Variants in NRG3 observed in about 807,000 individuals in gnomAD.
NRG3 encodes the protein pro-neuregulin-3, membrane-bound isoform.
In NRG3, 31 loss-of-function variants were observed where a neutral mutation model predicts 66.9. That is an observed-to-expected ratio of 0.46 (90% CI 0.35 to 0.63). The LOEUF (loss-of-function observed/expected upper bound fraction) is 0.63, where lower values mean the gene tolerates loss of function less well. Ranked by LOEUF, NRG3 falls within the 20% of genes least tolerant of loss-of-function variation. The pLI, the probability that NRG3 is intolerant of heterozygous loss-of-function variation, is 0.00. For missense variants in NRG3, 910 were observed against 878.9 expected, an observed-to-expected ratio of 1.04 and a Z score of -0.45; for synonymous variants, 393 against 359.4, an observed-to-expected ratio of 1.09 and a Z score of -1.06.
intron 3 of NRG3, among the ~76,000 whole-genome samples, chr10:82,758,074 T>A (rs1006043934): frequency 1.3e-5 from 2 of 152,010 alleles, no homozygotes; most frequent in Non-Finnish European, 2.9e-5. Context: ...CTTACCCTAG[T>A]CAAAACAAAG....
chr10:82,082,085 C>A (rs1013159603), intron 1 of NRG3, among the ~76,000 whole-genome samples: 1 of 152,136 alleles, frequency 6.6e-6, no homozygotes, highest in African/African-American at 2.4e-5. Flanking sequence ...GCAAATATTT[C>A]ATGTTTCATT....
chr10:82,918,206 A>G (rs1036152966), intron 4 of NRG3, among the ~76,000 whole-genome samples: 10 of 152,092 alleles, frequency 6.6e-5, no homozygotes, highest in Admixed American at 6.5e-4. Flanking sequence ...AGCAGGTTTC[A>G]TAAATATTTA....
At chr10:82,842,333 T>A (rs949672784) in intron 3 of NRG3, among the ~76,000 whole-genome samples, 2 of 152,216 alleles carry the variant, frequency 1.3e-5, no homozygotes, top group Non-Finnish European at 2.9e-5. Flanking sequence ...CATACAGAAC[T>A]TGGCTTACCG....
chr10:82,738,719 A>C, intron 3 of NRG3, 69 bp downstream of exon 3: 1 of 1,299,664 alleles, frequency 7.7e-7, no homozygotes, highest in Non-Finnish European at 1.1e-6. Context: ...AATGGTTGTT[A>C]ACTCAGCTGA....
intron 4 of NRG3, among the ~76,000 whole-genome samples, chr10:82,893,460 C>T (rs538553909): frequency 2.0e-5 from 3 of 152,254 alleles, no homozygotes; most frequent in South Asian, 4.1e-4. Flanking sequence ...GAAGCTAAGG[C>T]GGGCAGATCA....
chr10:82,819,156 A>T (rs1379557686), intron 3 of NRG3, among the ~76,000 whole-genome samples: 4 of 152,236 alleles, frequency 2.6e-5, no homozygotes, highest in Non-Finnish European at 4.4e-5. Context: ...TTTTAAAATA[A>T]TCATTAACGA....
intron 2 of NRG3, among the ~76,000 whole-genome samples, chr10:82,500,975 C>T (rs892920067): frequency 1.3e-5 from 2 of 151,780 alleles, no homozygotes; most frequent in African/African-American, 2.4e-5. Context: ...GGTATAATGT[C>T]GTTAAATAAG....
chr10:82,073,528 A>G (rs2064923864), intron 1 of NRG3, among the ~76,000 whole-genome samples: 2 of 152,102 alleles, frequency 1.3e-5, no homozygotes, highest in African/African-American at 4.8e-5. Context: ...TGTGCCAGTG[A>G]CCTACATTTT....
At chr10:82,216,659 T>C (rs2075702773) in intron 1 of NRG3, among the ~76,000 whole-genome samples, 1 of 151,692 alleles carries the variant, frequency 6.6e-6, no homozygotes, top group Non-Finnish European at 1.5e-5. Context: ...TTCTAATATG[T>C]ATTCATGTAT....
chr10:82,898,881 T>G (rs1446044676), intron 4 of NRG3, among the ~76,000 whole-genome samples: 1 of 151,876 alleles, frequency 6.6e-6, no homozygotes. Context: ...CGGCTAATTT[T>G]TTTGTATTTT....
At chr10:82,225,579 T>C (rs975870124) in intron 1 of NRG3, 2 of 152,122 alleles carry the variant, frequency 1.3e-5, no homozygotes, top group Non-Finnish European at 2.9e-5. Flanking sequence ...TAGATGAACA[T>C]ATACACAAGC....
chr10:82,072,747 A>AT, intron 1 of NRG3, among the ~76,000 whole-genome samples: 1 of 150,986 alleles, frequency 6.6e-6, no homozygotes, highest in Non-Finnish European at 1.5e-5. Context: ...TTATAAACAC[A>AT]TTTTTTATAT....
At chr10:81,997,533 A>G (rs1379626164) in intron 1 of NRG3, among the ~76,000 whole-genome samples, 1 of 152,002 alleles carries the variant, frequency 6.6e-6, no homozygotes, top group Non-Finnish European at 1.5e-5. Flanking sequence ...AGCCTCAGCT[A>G]TGTATTTGGA....
At chr10:82,741,849 A>G (rs1055026728) in intron 3 of NRG3, among the ~76,000 whole-genome samples, 1 of 138,122 alleles carries the variant, frequency 7.2e-6, no homozygotes, top group Admixed American at 7.0e-5. Context: ...ACTGACTGAA[A>G]CTCAATGACC....
At chr10:82,090,719 A>G in intron 1 of NRG3, among the ~76,000 whole-genome samples, 1 of 149,548 alleles carries the variant, frequency 6.7e-6, no homozygotes, top group Non-Finnish European at 1.5e-5. Flanking sequence ...CAATAATGTT[A>G]ATGGGGGCAA....
intron 2 of NRG3, among the ~76,000 whole-genome samples, chr10:82,556,466 G>T (rs1402582642): frequency 1.3e-5 from 2 of 152,246 alleles, no homozygotes; most frequent in African/African-American, 4.8e-5. Flanking sequence ...CATGGGTATA[G>T]TGTGAGAAGT....
At chr10:81,981,216 T>A (rs2060321843) in intron 1 of NRG3, among the ~76,000 whole-genome samples, 1 of 152,180 alleles carries the variant, frequency 6.6e-6, no homozygotes, top group Admixed American at 6.5e-5. Context: ...GTATGATTCA[T>A]CCTGAAGCAG....
intron 1 of NRG3, among the ~76,000 whole-genome samples, chr10:82,263,571 A>T (rs2078144388): frequency 6.6e-6 from 1 of 152,110 alleles, no homozygotes; most frequent in Non-Finnish European, 1.5e-5. Context: ...CTGACTACTC[A>T]AGAATAACCT....
At chr10:82,011,057 C>T (rs1300978757) in intron 1 of NRG3, among the ~76,000 whole-genome samples, 1 of 152,160 alleles carries the variant, frequency 6.6e-6, no homozygotes, top group Non-Finnish European at 1.5e-5. Context: ...TAGCCCACCT[C>T]ATACATAGAA....
Sources: allele counts gnomAD v4.1 joint callset (sites outside exome capture counted in the v4.1 genomes callset), GRCh38; gene constraint gnomAD v4.1.1; transcripts MANE v1.5; gene names NCBI Gene and HGNC (gene_info 2026-07-23, HGNC 2026-07-21).